FOXJ3: variants seen among roughly 807,000 people sequenced by gnomAD.
FOXJ3 encodes forkhead box protein J3.
Under a neutral mutation model 76.1 loss-of-function variants are expected in FOXJ3, and 22 were observed. The ratio of observed to expected loss-of-function variants is 0.29; its 90% CI spans 0.21 to 0.41. FOXJ3 has a LOEUF of 0.41. FOXJ3 is among the 10% of genes least tolerant of loss of function. The pLI, the probability that FOXJ3 is intolerant of heterozygous loss-of-function variation, is 1.00. For missense variants in FOXJ3, 613 were observed against 762.1 expected, an observed-to-expected ratio of 0.80 and a Z score of 2.30; for synonymous variants, 269 against 261.2, an observed-to-expected ratio of 1.03 and a Z score of -0.29.
At chr1:42,186,217 CAA>C (rs1161283980) in intron 11 of FOXJ3, among the ~76,000 whole-genome samples, 1 of 152,012 alleles carries the variant, frequency 6.6e-6, no homozygotes, top group Non-Finnish European at 1.5e-5. Flanking sequence ...ACACTTAAAA[CAA>C]GAGGAAGCAG....
chr1:42,303,976 T>A (rs1349716001), intron 2 of FOXJ3, among the ~76,000 whole-genome samples: 2 of 151,254 alleles, frequency 1.3e-5, no homozygotes, highest in South Asian at 4.2e-4. Flanking sequence ...AAGGAAGAGG[T>A]CCAAATTATC....
chr1:42,187,239 A>G (rs1041271267), intron 11 of FOXJ3, among the ~76,000 whole-genome samples: 2 of 152,232 alleles, frequency 1.3e-5, no homozygotes, highest in African/African-American at 4.8e-5. Context: ...CTTACCCCCA[A>G]ACACACAAGA....
Position 42,179,839 on chromosome 1 carries a change from G to A in FOXJ3, c.1754-14C>T. ...CTCTGTGATGGCCTGGAAGGAAAGAGGCAATAATAGCAGCGACTTGGGTAG... is the reference window on the plus strand; with the variant it reads ...CTCTGTGATGGCCTGGAAGGAAAGAAGCAATAATAGCAGCGACTTGGGTAG... On this transcript the variant is annotated splice_polypyrimidine_tract_variant and intron_variant, in intron 12 of 12. Transcript: ENST00000361346. 3 of 1,556,202 alleles carry A rather than the reference G, an allele frequency of 1.9e-6. No individual in the cohort carries two copies. The highest frequency in any genetic ancestry group is 2.7e-6 in the Non-Finnish European group (3 of 1,127,390).
At chr1:42,277,220 G>A (rs949052498) in intron 3 of FOXJ3, among the ~76,000 whole-genome samples, 3 of 152,142 alleles carry the variant, frequency 2.0e-5, no homozygotes, top group African/African-American at 7.2e-5. Flanking sequence ...GAAGCAGGAG[G>A]ATCACTTGAA....
intron 4 of FOXJ3, among the ~76,000 whole-genome samples, chr1:42,252,971 G>A (rs1650225304): frequency 6.6e-6 from 1 of 150,984 alleles, no homozygotes; most frequent in Admixed American, 6.6e-5. Context: ...AGGGCAATGA[G>A]GCAGGAGAAG....
rs1395365247 is a variant in FOXJ3 at position 42,177,301 on chromosome 1, T to C, written c.*2409A>G. The C allele has an allele frequency of 2.6e-5, 4 of 152,646 alleles. No individual in the cohort carries two copies. Among genetic ancestry groups the C allele is most frequent in the Non-Finnish European group, 5.9e-5 (4 of 68,032 alleles). The allele number at this position is 152,646 out of a possible 1,614,324, so 9.5% of individuals were successfully genotyped here. On this transcript the variant is annotated 3_prime_UTR_variant, in exon 13 of 13. Transcript: ENST00000361346. ...ATATTCATCACTGCAAATCAGTAAA[T>C]GATTGCCAAATGGGAAATTCGCTTC...
chr1:42,206,654 T>C (rs889372478), intron 5 of FOXJ3, among the ~76,000 whole-genome samples: 1 of 152,248 alleles, frequency 6.6e-6, no homozygotes, highest in Non-Finnish European at 1.5e-5. Context: ...ATACATGTGA[T>C]AATTTAATAC....
rs78245674 is a variant in FOXJ3 at position 42,284,176 on chromosome 1, A to G, written c.45-5504T>C. ...TAGTTCCTAACATAGAGAATTTAGG[A>G]CATGGCAGTGTGGTGATACAAGTAA... On this transcript the variant is annotated intron_variant, in intron 2 of 12. Coordinates refer to ENST00000361346, the MANE Select transcript of FOXJ3 (RefSeq NM_014947.5). Among the ~76,000 whole-genome samples the G allele has an allele frequency of 2.8e-3, 423 of 152,320 alleles. 5 individuals carry two copies. In the East Asian group the frequency reaches 0.035, roughly 13 times the overall value.
intron 4 of FOXJ3, among the ~76,000 whole-genome samples, chr1:42,240,794 A>G (rs961989001): frequency 6.6e-5 from 10 of 152,262 alleles, no homozygotes; most frequent in Admixed American, 6.5e-4. Flanking sequence ...ACCTTGGATT[A>G]GGAAATCTTT....
intron 7 of FOXJ3, among the ~76,000 whole-genome samples, chr1:42,196,658 A>C (rs1448725995): frequency 6.6e-6 from 1 of 152,198 alleles, no homozygotes; most frequent in Non-Finnish European, 1.5e-5. Flanking sequence ...ACACCATTGC[A>C]CTTCAGTCTG....
rs977702879 is a variant in FOXJ3, at chr1:42,206,976, G to T, written c.529-1113C>A. 2.0e-5 allele frequency among the ~76,000 whole-genome samples: 3 copies of T among 152,130 alleles called. No homozygotes were observed. In the South Asian group the frequency reaches 6.2e-4, roughly 32 times the overall value. On this transcript the variant is annotated intron_variant, in intron 5 of 12. Transcript: ENST00000361346. ...CTCCCAAGTAGCTGGGATTACAGGT[G>T]TGTGTCACCACACCTGGCTAATTTT...
intron 9 of FOXJ3, 89 bp downstream of exon 9, chr1:42,191,214 T>C: frequency 5.8e-6 from 7 of 1,210,786 alleles, no homozygotes; most frequent in South Asian, 1.8e-5. Context: ...AAAGAGGTTT[T>C]GGTAGTAAAT....
intron 1 of FOXJ3, chr1:42,334,805 T>C (rs1656375690): frequency 6.6e-6 from 1 of 152,114 alleles, no homozygotes; most frequent in Non-Finnish European, 1.5e-5. Flanking sequence ...GCGAAGCCGC[T>C]GCTTCCCAGC....
Position 42,179,662 on chromosome 1 carries a change from C to A in FOXJ3, c.*48G>T. On this transcript the variant is annotated 3_prime_UTR_variant, in exon 13 of 13. Coordinates refer to ENST00000361346, the MANE Select transcript of FOXJ3 (RefSeq NM_014947.5). ...GGATTCTCTTAAACCTTTCCCTTCA[C>A]TGCACAGAAAGGTAACGTTAGGGTC... 8.6e-7 allele frequency: 1 copy of A among 1,165,084 alleles called. No individual in the cohort carries two copies. Among genetic ancestry groups the A allele is most frequent in the Non-Finnish European group, 1.3e-6 (1 of 774,252 alleles). 72.2% of individuals were successfully genotyped at this position (1,165,084 alleles called of 1,614,324 possible). A position where few individuals can be genotyped will look rare whatever the true frequency, so the allele number is the denominator to read the frequency against.
intron 4 of FOXJ3, among the ~76,000 whole-genome samples, chr1:42,239,286 G>C (rs75477470): frequency 0.035 from 5,265 of 150,166 alleles, 126 homozygotes; most frequent in South Asian, 0.092. Flanking sequence ...ACCTCTAACA[G>C]GATTTTGAAT....
At chr1:42,222,571 G>A (rs968264525) in intron 5 of FOXJ3, among the ~76,000 whole-genome samples, 1 of 152,172 alleles carries the variant, frequency 6.6e-6, no homozygotes, top group African/African-American at 2.4e-5. Context: ...TACAAAAGGT[G>A]TGGTCTGATA....
intron 5 of FOXJ3, among the ~76,000 whole-genome samples, chr1:42,224,514 G>T (rs182704806): frequency 6.6e-6 from 1 of 152,078 alleles, no homozygotes; most frequent in Non-Finnish European, 1.5e-5. Flanking sequence ...TTAGTTGGGC[G>T]TGGTGGTGAA....
At chr1:42,236,533 TAAATA>T (rs1015731384) in intron 4 of FOXJ3, among the ~76,000 whole-genome samples, 3 of 152,210 alleles carry the variant, frequency 2.0e-5, no homozygotes, top group African/African-American at 7.2e-5. Context: ...GAAGTATATT[TAAATA>T]AAAATAAAAT....
intron 2 of FOXJ3, among the ~76,000 whole-genome samples, chr1:42,282,974 A>G (rs1393784597): frequency 1.3e-5 from 2 of 152,162 alleles, no homozygotes; most frequent in African/African-American, 4.8e-5. Context: ...CTCCCCAAAC[A>G]AGTGAGACTG....
Sources: allele counts gnomAD v4.1 joint callset (sites outside exome capture counted in the v4.1 genomes callset), GRCh38; gene constraint gnomAD v4.1.1; transcripts MANE v1.5; gene names NCBI Gene and HGNC (gene_info 2026-07-23, HGNC 2026-07-21).